The following ITGA9 variants were observed in gnomAD, a reference collection of about 807,000 sequenced individuals.
The protein encoded by ITGA9 is integrin subunit alpha 9, also known as integrin alpha-9.
Under a neutral mutation model 127.8 loss-of-function variants are expected in ITGA9, and 56 were observed. The observed-to-expected ratio is 0.44, with a 90% CI of 0.35 to 0.55. The LOEUF (loss-of-function observed/expected upper bound fraction) is 0.55. Among genes scored for constraint, ITGA9 ranks in the 20% least tolerant of loss-of-function variants. ITGA9 has a pLI of 0.00. For synonymous variants in ITGA9, 508 were observed against 514.5 expected, an observed-to-expected ratio of 0.99 and a Z score of 0.17; for missense variants, 1,196 against 1,347.1, an observed-to-expected ratio of 0.89 and a Z score of 1.76.
intron 10 of ITGA9, among the ~76,000 whole-genome samples, chr3:37,518,180 C>G (rs1022274220): frequency 6.7e-6 from 1 of 148,396 alleles, no homozygotes; most frequent in East Asian, 2.1e-4. Context: ...CAGCAGTGTT[C>G]CTCACAGCCT....
At chr3:37,659,534 C>T (rs192096701) in intron 17 of ITGA9, among the ~76,000 whole-genome samples, 5 of 151,942 alleles carry the variant, frequency 3.3e-5, no homozygotes, top group Non-Finnish European at 7.4e-5. Flanking sequence ...TCCATTGGGT[C>T]ATTTATGTTC....
chr3:37,591,476 TTGGGGAGC>T (rs1261874838), intron 15 of ITGA9, among the ~76,000 whole-genome samples: 3 of 152,068 alleles, frequency 2.0e-5, no homozygotes, highest in African/African-American at 7.2e-5. Flanking sequence ...GCTGCCAGAG[TTGGGGAGC>T]TGGGGAGCTG....
intron 8 of ITGA9, among the ~76,000 whole-genome samples, chr3:37,512,108 CCTTCCTTCCTTCTTTCT>C: frequency 1.1e-5 from 1 of 89,520 alleles, no homozygotes; most frequent in Admixed American, 1.2e-4. Flanking sequence ...TTCCTTCCTT[CCTTCCTTCCTTCTTTCT>C]TTTCTTTTCT....
At chr3:37,694,401 C>T (rs772806049) in intron 18 of ITGA9, among the ~76,000 whole-genome samples, 2 of 152,236 alleles carry the variant, frequency 1.3e-5, no homozygotes, top group African/African-American at 4.8e-5. Flanking sequence ...GTGAAACTGC[C>T]TGGGAGACAG....
intron 18 of ITGA9, among the ~76,000 whole-genome samples, chr3:37,724,467 G>A (rs10212477): frequency 0.056 from 8,569 of 152,098 alleles, 710 homozygotes; most frequent in African/African-American, 0.18. Flanking sequence ...ATTAAAATGC[G>A]TTAATTTGGA....
intron 26 of ITGA9, among the ~76,000 whole-genome samples, chr3:37,797,842 C>T (rs898845800): frequency 4.0e-5 from 6 of 151,600 alleles, no homozygotes; most frequent in South Asian, 4.2e-4. Flanking sequence ...TACAGGTGTG[C>T]GCCACCACAC....
At chr3:37,490,239 T>C (rs1320038211) in intron 4 of ITGA9, among the ~76,000 whole-genome samples, 1 of 152,214 alleles carries the variant, frequency 6.6e-6, no homozygotes, top group African/African-American at 2.4e-5. Flanking sequence ...GCGGGAAAGT[T>C]GTTTACTGAA....
In ITGA9 at chr3:37,799,605, C is replaced by T. The variant is rs1293689824; in HGVS notation, c.2890-4218C>T. On this transcript the variant is annotated intron_variant, in intron 26 of 27. Transcript: ENST00000264741. This position sits in a 1 kb window ranked among gnomAD's most constrained non-coding sequence, Gnocchi z 4.0. Reference sequence around the variant, plus strand: ...ACCAGAGTATGAAGGCCCTGGTGTCCTGAATTAGATGCTCAGCCTAAAGGA... The same window carrying T: ...ACCAGAGTATGAAGGCCCTGGTGTCTTGAATTAGATGCTCAGCCTAAAGGA... 6.6e-6 allele frequency among the ~76,000 whole-genome samples: 1 copy of T among 152,128 alleles called. No individual in the cohort carries two copies. Among genetic ancestry groups the T allele is most frequent in the African/African-American group, 2.4e-5 (1 of 41,410 alleles).
intron 23 of ITGA9, among the ~76,000 whole-genome samples, chr3:37,772,631 GT>G (rs1337340313): frequency 1.3e-5 from 2 of 152,144 alleles, no homozygotes; most frequent in Non-Finnish European, 2.9e-5. Flanking sequence ...GAGTTCCTGA[GT>G]TTTAGCTGAG....
chr3:37,523,751 G>T (rs1559527781), intron 12 of ITGA9, 140 bp downstream of exon 12: 4 of 728,970 alleles, frequency 5.5e-6, no homozygotes, highest in Non-Finnish European at 9.9e-6. Flanking sequence ...GTTTTGCCTG[G>T]TGTTCAATTT....
intron 16 of ITGA9, among the ~76,000 whole-genome samples, chr3:37,644,083 A>C (rs1308236461): frequency 1.3e-5 from 2 of 152,358 alleles, no homozygotes; most frequent in African/African-American, 4.8e-5. Context: ...CCTGGGGTGC[A>C]AAAGTCCCTA....
chr3:37,738,329 T>C (rs1242976888), intron 20 of ITGA9, among the ~76,000 whole-genome samples: 1 of 152,156 alleles, frequency 6.6e-6, no homozygotes, highest in Non-Finnish European at 1.5e-5. Flanking sequence ...GGCACGGCAG[T>C]GAGGCTGTCC....
At chr3:37,636,017 A>C (rs2125638425) in intron 16 of ITGA9, among the ~76,000 whole-genome samples, 1 of 151,822 alleles carries the variant, frequency 6.6e-6, no homozygotes, top group East Asian at 1.9e-4. Flanking sequence ...ACATTTTCTT[A>C]ATCCAGTCTA....
Position 37,788,797 on chromosome 3 carries a change from A to G in ITGA9, c.2889+3719A>G, listed in dbSNP as rs113336908. 1.2e-3 allele frequency among the ~76,000 whole-genome samples: 190 copies of G among 152,112 alleles called. 3 individuals carry two copies. Among genetic ancestry groups the G allele is most frequent in the African/African-American group, 4.3e-3 (180 of 41,496 alleles). On this transcript the variant is annotated intron_variant, in intron 26 of 27. Coordinates refer to ENST00000264741, the MANE Select transcript of ITGA9 (RefSeq NM_002207.3). ...ATATCATCACCACATTTCATTTACC[A>G]TGGTTTTTTAATTTAATTATTCTTT...
chr3:37,491,010 T>C (rs115828889), intron 4 of ITGA9, among the ~76,000 whole-genome samples: 1,506 of 132,970 alleles, frequency 0.011, 16 homozygotes, highest in Non-Finnish European at 0.018. Flanking sequence ...CGAATCTGGC[T>C]CTGTTGCCCA....
chr3:37,611,864 C>T (rs191749006), intron 15 of ITGA9, among the ~76,000 whole-genome samples: 1 of 152,158 alleles, frequency 6.6e-6, no homozygotes, highest in African/African-American at 2.4e-5. Flanking sequence ...CCCAGAGAGC[C>T]CACTCTCTGC....
Position 37,822,459 on chromosome 3 carries a change from A to G in ITGA9, c.*3470A>G, listed in dbSNP as rs1225361743. 6.6e-6 allele frequency: 1 copy of G among 150,702 alleles called. No individual in the cohort carries two copies. Among genetic ancestry groups the G allele is most frequent in the Non-Finnish European group, 1.5e-5 (1 of 67,156 alleles). The allele number at this position is 150,702 out of a possible 1,614,324, so 9.3% of individuals were successfully genotyped here. ...GACACTAGCAGGAGGGGCAGGGTCC[A>G]CTGGCTTAGTGGCAACTGACAGGCA... On this transcript the variant is annotated 3_prime_UTR_variant, in exon 28 of 28. Coordinates refer to ENST00000264741, the MANE Select transcript of ITGA9 (RefSeq NM_002207.3).
At chr3:37,637,816 G>A (rs1700295546) in intron 16 of ITGA9, among the ~76,000 whole-genome samples, 1 of 152,130 alleles carries the variant, frequency 6.6e-6, no homozygotes, top group South Asian at 2.1e-4. Context: ...AGGATTACAG[G>A]TGCACGCCAC....
intron 9 of ITGA9, among the ~76,000 whole-genome samples, chr3:37,515,153 G>A (rs1698971366): frequency 6.6e-6 from 1 of 152,188 alleles, no homozygotes; most frequent in African/African-American, 2.4e-5. Flanking sequence ...GAGATAATCA[G>A]TGGAAAAATG....
Sources: allele counts gnomAD v4.1 joint callset (sites outside exome capture counted in the v4.1 genomes callset), GRCh38; gene constraint gnomAD v4.1.1; non-coding constraint Gnocchi (gnomAD v3.1); transcripts MANE v1.5; gene names NCBI Gene and HGNC (gene_info 2026-07-23, HGNC 2026-07-21).